MGAT3: variants seen among roughly 807,000 people sequenced by gnomAD.
MGAT3 encodes beta-1,4-mannosyl-glycoprotein 4-beta-N-acetylglucosaminyltransferase, also known as GlcNAc-T III.
MGAT3 carries 9 observed loss-of-function variants against 29.8 expected under a neutral mutation model. The ratio of observed to expected loss-of-function variants is 0.30; its 90% CI spans 0.18 to 0.53. The LOEUF is 0.53. Ranked by LOEUF, MGAT3 falls within the 20% of genes least tolerant of loss-of-function variation. The pLI is 0.96. For synonymous variants in MGAT3, 397 were observed against 348.9 expected (o/e 1.14, Z -1.54); for missense variants, 557 against 769.5 (o/e 0.72, Z 3.27).
At chr22:39,458,160 CG>C (rs969932325) in intron 1 of MGAT3, among the ~76,000 whole-genome samples, 1 of 152,122 alleles carries the variant, frequency 6.6e-6, no homozygotes, top group Non-Finnish European at 1.5e-5. Flanking sequence ...CTGCCCAGGG[CG>C]GGGGAGGGAA....
At chr22:39,461,588 C>G (rs1017229149) in intron 1 of MGAT3, among the ~76,000 whole-genome samples, 1 of 152,162 alleles carries the variant, frequency 6.6e-6, no homozygotes. Flanking sequence ...ATGTTCCATT[C>G]CCTTGCTGTG....
At chr22:39,476,750 C>T (rs900417597) in intron 1 of MGAT3, 1 of 152,158 alleles carries the variant, frequency 6.6e-6, no homozygotes, top group Non-Finnish European at 1.5e-5. Flanking sequence ...GTCACTTAAC[C>T]TCTTGAGGCC....
chr22:39,457,772 C>A lies in MGAT3; in HGVS notation c.-2+215C>A, dbSNP rs924493785. 1.3e-5 allele frequency among the ~76,000 whole-genome samples: 2 copies of A among 150,844 alleles called. No individual in the cohort carries two copies. Among genetic ancestry groups the A allele is most frequent in the African/African-American group, 4.8e-5 (2 of 41,318 alleles). On this transcript the variant is annotated intron_variant, in intron 1 of 1. Coordinates refer to ENST00000341184, the MANE Select transcript of MGAT3 (RefSeq NM_002409.5). The surrounding 1 kb of genome is among the most constrained non-coding windows in gnomAD (Gnocchi z 6.8). ...AGCCGCTCGGCGCGGGCCCCCTCCC[C>A]CTACCCGCCGCTCCTCCGAGCTCCC...
chr22:39,486,804 T>G (rs903850077), intron 1 of MGAT3, among the ~76,000 whole-genome samples: 8 of 152,200 alleles, frequency 5.3e-5, no homozygotes, highest in African/African-American at 1.9e-4. Flanking sequence ...CCTGGCCTAA[T>G]TTTATTCATT....
chr22:39,470,817 G>T (rs888180864), intron 1 of MGAT3, among the ~76,000 whole-genome samples: 1 of 152,168 alleles, frequency 6.6e-6, no homozygotes, highest in African/African-American at 2.4e-5. Flanking sequence ...AGGCACCGAG[G>T]CCCAGGGTAT....
intron 1 of MGAT3, among the ~76,000 whole-genome samples, chr22:39,465,825 G>A (rs1309403072): frequency 2.0e-5 from 3 of 151,880 alleles, no homozygotes; most frequent in Admixed American, 1.3e-4. Context: ...TCAGCTACTC[G>A]GGAGGCTGAG....
intron 1 of MGAT3, among the ~76,000 whole-genome samples, chr22:39,471,406 GA>G (rs1352803038): frequency 6.6e-6 from 1 of 152,150 alleles, no homozygotes; most frequent in Non-Finnish European, 1.5e-5. Flanking sequence ...TGATGAATTA[GA>G]AGAAGCTGTG....
chr22:39,471,073 C>T (rs1042082785), intron 1 of MGAT3, among the ~76,000 whole-genome samples: 2 of 152,100 alleles, frequency 1.3e-5, no homozygotes, highest in South Asian at 2.1e-4. Context: ...TGTTATCTGA[C>T]GATGGCCACC....
intron 1 of MGAT3, among the ~76,000 whole-genome samples, chr22:39,478,409 TC>T (rs1040484545): frequency 5.9e-5 from 9 of 152,052 alleles, no homozygotes; most frequent in Admixed American, 5.2e-4. Context: ...CCAGTGGCTG[TC>T]CCCCAGCTGA....
chr22:39,463,921 T>TA (rs111876968), intron 1 of MGAT3, among the ~76,000 whole-genome samples: 5,106 of 149,396 alleles, frequency 0.034, 140 homozygotes, highest in South Asian at 0.096. Context: ...TCTCAAAAAT[T>TA]AAAAAAAAAT....
rs1471816776 is a variant in MGAT3 at position 39,488,907 on chromosome 22, A to C, written c.1560A>C (p.Gly520=). The change falls in exon 2 of 2, where the codon GGA becomes GGC. Residue 520 remains glycine, a synonymous_variant. Coordinates refer to ENST00000341184, the MANE Select transcript of MGAT3 (RefSeq NM_002409.5). Reference sequence around the variant, plus strand: ...GGTGGCGCCACAGGGGTCCCGAGGGAAGGCCGCCCGCCCGGGGCAAACTGG... The same window carrying C: ...GGTGGCGCCACAGGGGTCCCGAGGGCAGGCCGCCCGCCCGGGGCAAACTGG... ...AGGWRHRGPE[G]RPPARGKLDE... 1 of 1,603,906 alleles carries C rather than the reference A, an allele frequency of 6.2e-7. No individual in the cohort carries two copies.
At chr22:39,470,214 G>A (rs1928770170) in intron 1 of MGAT3, among the ~76,000 whole-genome samples, 2 of 152,192 alleles carry the variant, frequency 1.3e-5, no homozygotes. Context: ...TGAGCGCTGG[G>A]GGGACAGCCT....
chr22:39,461,696 G>A (rs1231910100), intron 1 of MGAT3, among the ~76,000 whole-genome samples: 3 of 151,906 alleles, frequency 2.0e-5, no homozygotes. Context: ...TGTGACACCA[G>A]CCCCACAACC....
At chr22:39,465,201 G>A (rs1928605963) in intron 1 of MGAT3, among the ~76,000 whole-genome samples, 1 of 152,254 alleles carries the variant, frequency 6.6e-6, no homozygotes, top group Admixed American at 6.5e-5. Flanking sequence ...CAGGGGAAGA[G>A]GGAGGGGTGC....
Position 39,490,237 on chromosome 22 carries a change from T to TG in MGAT3, c.*1293dup, listed in dbSNP as rs1231051497. On this transcript the variant is annotated 3_prime_UTR_variant, in exon 2 of 2. Transcript: ENST00000341184. ...CCACCCTCCTGTGTGCATCCAAGCCTGGGGGAAGCAGAAATAGACAAGAGG... is the reference window on the plus strand; with the variant it reads ...CCACCCTCCTGTGTGCATCCAAGCCTGGGGGGAAGCAGAAATAGACAAGAGG... 6.0e-6 allele frequency: 1 copy of TG among 166,990 alleles called. No individual in the cohort carries two copies. The highest frequency in any genetic ancestry group is 1.5e-5 in the Non-Finnish European group (1 of 68,138). 10.3% of individuals were successfully genotyped at this position (166,990 alleles called of 1,614,324 possible). A position where few individuals can be genotyped will look rare whatever the true frequency, so the allele number is the denominator to read the frequency against.
At chr22:39,472,563 A>G (rs1411805371) in intron 1 of MGAT3, among the ~76,000 whole-genome samples, 1 of 152,110 alleles carries the variant, frequency 6.6e-6, no homozygotes, top group Admixed American at 6.5e-5. Flanking sequence ...CTGTAAAACC[A>G]CAGTGTCCCT....
At position 39,488,136 on chromosome 22, in the gene MGAT3, G is replaced by A; in HGVS notation, c.789G>A (p.Glu263=). The stretch of plus-strand genomic sequence containing the variant: ...AGATGCTGACCAATGGCACCTTCGA[G>A]TACATCCGCCACAAGGTGCTCTATG... ...FREMLTNGTF[E]YIRHKVLYVF... is the part of the protein sequence containing the mutation. The change falls in exon 2 of 2, where the codon GAG becomes GAA. Residue 263 remains glutamate (E), a synonymous_variant. Coordinates refer to ENST00000341184, the MANE Select transcript of MGAT3 (RefSeq NM_002409.5). 1 of 1,612,910 alleles carries A rather than the reference G, an allele frequency of 6.2e-7. No homozygotes were observed. Among genetic ancestry groups the A allele is most frequent in the Non-Finnish European group, 8.5e-7 (1 of 1,179,912 alleles).
intron 1 of MGAT3, chr22:39,475,678 G>A (rs1928938807): frequency 6.6e-6 from 1 of 152,332 alleles, no homozygotes; most frequent in Non-Finnish European, 1.5e-5. Flanking sequence ...TCCCCATGAG[G>A]GTCCTCCCTC....
chr22:39,460,339 A>G (rs747863886), intron 1 of MGAT3, among the ~76,000 whole-genome samples: 12 of 152,108 alleles, frequency 7.9e-5, no homozygotes, highest in African/African-American at 1.2e-4. Flanking sequence ...CCTGGCACCG[A>G]TGCTCCACCT....
Sources: allele counts gnomAD v4.1 joint callset (sites outside exome capture counted in the v4.1 genomes callset), GRCh38; gene constraint gnomAD v4.1.1; non-coding constraint Gnocchi (gnomAD v3.1); transcripts MANE v1.5; gene names NCBI Gene and HGNC (gene_info 2026-07-23, HGNC 2026-07-21).